Variants in PDSS2 observed in about 807,000 individuals in gnomAD.
PDSS2 encodes the protein decaprenyl diphosphate synthase subunit 2.
In PDSS2, 31 loss-of-function variants were observed where a neutral mutation model predicts 44.5. That is an observed-to-expected ratio of 0.70 (90% CI 0.52 to 0.94). The LOEUF is 0.94. PDSS2 is among the 40% of genes least tolerant of loss of function. The pLI, the probability that PDSS2 is intolerant of heterozygous loss-of-function variation, is 0.00. For missense variants in PDSS2, 452 were observed against 482.2 expected (o/e 0.94, Z 0.59); for synonymous variants, 157 against 180.3 (o/e 0.87, Z 1.03).
chr6:107,403,459 G>A (rs1016629216), intron 1 of PDSS2, among the ~76,000 whole-genome samples: 1 of 152,178 alleles, frequency 6.6e-6, no homozygotes, highest in Non-Finnish European at 1.5e-5. Context: ...TCTAGAGGAT[G>A]GTGACCCTCT....
chr6:107,380,411 G>A lies in PDSS2; in HGVS notation c.297-46079C>T, dbSNP rs188153855. Reference sequence around the variant, plus strand: ...CCTTTATGTTAGACAGAAAGGCCATGGTGGGGTAAATTGGTAGTTTCCTTT... The same window carrying A: ...CCTTTATGTTAGACAGAAAGGCCATAGTGGGGTAAATTGGTAGTTTCCTTT... On this transcript the variant is annotated intron_variant, in intron 1 of 7. Transcript: ENST00000369037. Among the ~76,000 whole-genome samples the A allele has an allele frequency of 4.0e-3, 609 of 152,264 alleles. 3 individuals are homozygous for A. Among genetic ancestry groups the A allele is most frequent in the Middle Eastern group, 6.8e-3 (2 of 294 alleles).
At chr6:107,287,974 G>T (rs919229355) in intron 2 of PDSS2, among the ~76,000 whole-genome samples, 1 of 152,086 alleles carries the variant, frequency 6.6e-6, no homozygotes, top group Non-Finnish European at 1.5e-5. Context: ...CAGCCTGAGC[G>T]ACAGAGTGAG....
intron 6 of PDSS2, among the ~76,000 whole-genome samples, chr6:107,195,388 G>A (rs565731616): frequency 1.3e-5 from 2 of 150,266 alleles, no homozygotes; most frequent in East Asian, 2.0e-4. Flanking sequence ...AGGCTGAGGT[G>A]AGAGGACTGC....
intron 7 of PDSS2, among the ~76,000 whole-genome samples, chr6:107,174,626 G>C (rs1024168281): frequency 3.9e-5 from 6 of 152,126 alleles, no homozygotes; most frequent in Non-Finnish European, 7.4e-5. Context: ...ACAATAAACT[G>C]TGAAATGCAT....
At chr6:107,412,473 C>T (rs969187322) in intron 1 of PDSS2, among the ~76,000 whole-genome samples, 1 of 151,950 alleles carries the variant, frequency 6.6e-6, no homozygotes, top group Non-Finnish European at 1.5e-5. Context: ...CTTTTGACCT[C>T]AGGTGATCCA....
chr6:107,370,050 AAC>A (rs1779084899), intron 1 of PDSS2, among the ~76,000 whole-genome samples: 2 of 152,178 alleles, frequency 1.3e-5, no homozygotes, highest in African/African-American at 4.8e-5. Flanking sequence ...CGCCATGAGA[AAC>A]AGTTTTCCCA....
chr6:107,374,874 T>G (rs1236667926), intron 1 of PDSS2, among the ~76,000 whole-genome samples: 1 of 152,130 alleles, frequency 6.6e-6, no homozygotes, highest in Non-Finnish European at 1.5e-5. Flanking sequence ...ATTTCCGATT[T>G]TGAGTTCACT....
At chr6:107,224,140 G>A (rs926501533) in intron 4 of PDSS2, among the ~76,000 whole-genome samples, 2 of 151,348 alleles carry the variant, frequency 1.3e-5, no homozygotes, top group African/African-American at 2.5e-5. Context: ...CAAGGATGAG[G>A]TAAAGTGGGG....
intron 1 of PDSS2, among the ~76,000 whole-genome samples, chr6:107,449,607 T>A (rs1437915320): frequency 6.6e-6 from 1 of 152,202 alleles, no homozygotes; most frequent in Non-Finnish European, 1.5e-5. Context: ...TCACTCAGCA[T>A]AATGTCCTCC....
intron 4 of PDSS2, among the ~76,000 whole-genome samples, chr6:107,230,823 C>T (rs1774023839): frequency 1.3e-5 from 2 of 152,100 alleles, no homozygotes; most frequent in Admixed American, 1.3e-4. Context: ...TGAATGTGTA[C>T]ATAAGTTATC....
rs1474716643 is a variant in PDSS2, at chr6:107,210,580, G to A, written c.877-10C>T. ...GGACATCAGAATTTATCTACAAGAA[G>A]CAATTAAATGAGTAAATTAGTGAAA... On this transcript the variant is annotated splice_polypyrimidine_tract_variant and intron_variant, in intron 5 of 7. Coordinates refer to ENST00000369037, the MANE Select transcript of PDSS2 (RefSeq NM_020381.4). 6.4e-7 allele frequency: 1 copy of A among 1,554,990 alleles called. No homozygotes were observed.
intron 2 of PDSS2, among the ~76,000 whole-genome samples, chr6:107,308,526 CAAG>C (rs1314775808): frequency 1.3e-5 from 2 of 152,036 alleles, no homozygotes; most frequent in East Asian, 3.8e-4. Context: ...AAAGATTTAA[CAAG>C]AAAATTATAT....
intron 1 of PDSS2, among the ~76,000 whole-genome samples, chr6:107,370,045 T>G (rs1779084548): frequency 6.7e-6 from 1 of 150,244 alleles, no homozygotes; most frequent in Non-Finnish European, 1.5e-5. Flanking sequence ...ACCTTCGCCA[T>G]GAGAAACAGT....
intron 4 of PDSS2, among the ~76,000 whole-genome samples, chr6:107,223,872 ACTGGTACTAATT>A (rs1323733654): frequency 3.3e-5 from 5 of 150,726 alleles, no homozygotes; most frequent in Non-Finnish European, 7.4e-5. Context: ...CAGGCCATGG[ACTGGTACTAATT>A]CTGTGGCCTC....
intron 2 of PDSS2, among the ~76,000 whole-genome samples, chr6:107,294,747 T>C (rs1345980507): frequency 6.6e-6 from 1 of 152,236 alleles, no homozygotes; most frequent in Non-Finnish European, 1.5e-5. Flanking sequence ...TTAACTGATT[T>C]GCCCAGGGCC....
intron 4 of PDSS2, among the ~76,000 whole-genome samples, chr6:107,220,477 C>T (rs1232977189): frequency 6.6e-6 from 1 of 151,496 alleles, no homozygotes; most frequent in Admixed American, 6.6e-5. Flanking sequence ...AGCTCACAGT[C>T]CAGGGATAGA....
intron 3 of PDSS2, among the ~76,000 whole-genome samples, chr6:107,249,698 A>C (rs1010728835): frequency 6.6e-6 from 1 of 151,846 alleles, no homozygotes; most frequent in African/African-American, 2.4e-5. Context: ...AGTGGCAACC[A>C]CTCCTAATGT....
chr6:107,296,703 G>A (rs928228891), intron 2 of PDSS2, among the ~76,000 whole-genome samples: 12 of 151,654 alleles, frequency 7.9e-5, no homozygotes, highest in African/African-American at 2.4e-4. Flanking sequence ...CTCCAGCCTG[G>A]GCAACAAGAG....
At chr6:107,271,173 C>T (rs1775586589) in intron 3 of PDSS2, among the ~76,000 whole-genome samples, 1 of 152,198 alleles carries the variant, frequency 6.6e-6, no homozygotes, top group Admixed American at 6.5e-5. Context: ...ATAGATACCA[C>T]TATGGCCTCC....
Sources: gnomAD v4.1 joint callset for allele counts (sites outside exome capture counted in the v4.1 genomes callset) on GRCh38, gnomAD v4.1.1 for gene constraint, MANE v1.5 for transcripts, NCBI Gene and HGNC (gene_info 2026-07-23, HGNC 2026-07-21) for gene names.